MARF1: variants seen among roughly 807,000 people sequenced by gnomAD.
The protein encoded by MARF1 is meiosis regulator and mRNA stability factor 1, also known as limkain-b1.
In MARF1, 24 loss-of-function variants were observed where a neutral mutation model predicts 168.2. The observed-to-expected ratio is 0.14, with a 90% CI of 0.10 to 0.20. The LOEUF is 0.20. Among genes scored for constraint, MARF1 ranks in the 10% least tolerant of loss-of-function variants. The pLI is 1.00. For missense variants in MARF1, 1,744 were observed against 2,143.6 expected (o/e 0.81, Z 3.68); for synonymous variants, 868 against 822.4 (o/e 1.06, Z -0.95).
In MARF1 at chr16:15,612,520, C is replaced by T. The variant is rs757079911; in HGVS notation, c.3474+37G>A. Reference sequence around the variant, plus strand: ...GCAGCCAAAGCCATGGAGGAACATTCCTGCCTGTAAACAAGTAATCCCGTG... The same window carrying T: ...GCAGCCAAAGCCATGGAGGAACATTTCTGCCTGTAAACAAGTAATCCCGTG... On this transcript the variant is annotated intron_variant, in intron 17 of 26. Transcript: ENST00000396368. The T allele has an allele frequency of 2.2e-5, 34 of 1,553,060 alleles. No individual in the cohort carries two copies. The Admixed American group carries it at 2.3e-4, about 11-fold the overall frequency.
At chr16:15,637,645 T>C (rs763092464) in intron 2 of MARF1, among the ~76,000 whole-genome samples, 16 of 151,978 alleles carry the variant, frequency 1.1e-4, no homozygotes, top group Admixed American at 7.9e-4. Flanking sequence ...CAAAATTGAG[T>C]TTCAAGATCT....
At position 15,625,358 on chromosome 16, in the gene MARF1, G is replaced by A. The variant is rs750008158; in HGVS notation, c.1953+14C>T. 1.9e-6 allele frequency: 3 copies of A among 1,589,094 alleles called. No homozygotes were observed. The highest frequency in any genetic ancestry group is 2.6e-6 in the Non-Finnish European group (3 of 1,168,496). The stretch of plus-strand genomic sequence containing the variant: ...CTACCATAAACTTCAGAAAGCAAGA[G>A]GTATCAAAATTACCTGTAAACTTTT... On this transcript the variant is annotated intron_variant, in intron 8 of 26. Transcript: ENST00000396368.
chr16:15,634,662 C>G, intron 4 of MARF1, 95 bp downstream of exon 4: 1 of 1,220,750 alleles, frequency 8.2e-7, no homozygotes, highest in Non-Finnish European at 1.2e-6. Context: ...GCTTTAGAAC[C>G]ATAAGGAATC....
At chr16:15,628,409 C>T (rs2035022274) in intron 7 of MARF1, among the ~76,000 whole-genome samples, 1 of 148,046 alleles carries the variant, frequency 6.8e-6, no homozygotes, top group African/African-American at 2.5e-5. Context: ...TCTTTTCTTT[C>T]TTTTTTTTTT....
chr16:15,618,517 G>C (rs923975225), intron 13 of MARF1, among the ~76,000 whole-genome samples: 3 of 152,016 alleles, frequency 2.0e-5, no homozygotes, highest in Non-Finnish European at 1.5e-5. Flanking sequence ...AGTTATCAGC[G>C]GCCTCTGCCT....
At chr16:15,612,487 T>C in intron 17 of MARF1, 70 bp downstream of exon 17, 1 of 1,344,238 alleles carries the variant, frequency 7.4e-7, no homozygotes, top group Non-Finnish European at 1.1e-6. Context: ...ACTGTTTCTT[T>C]GATGGAGGCA....
At position 15,625,012 on chromosome 16, in the gene MARF1, A is replaced by C. The variant is rs761748032; in HGVS notation, c.2111+4T>G. On this transcript the variant is annotated splice_donor_region_variant and intron_variant, in intron 9 of 26. Transcript: ENST00000396368. ...CAGCTATGAGAAAGAGTAGTTTCACATACTTCTGACTGGTTTTGTAAACGG... is the reference window on the plus strand; with the variant it reads ...CAGCTATGAGAAAGAGTAGTTTCACCTACTTCTGACTGGTTTTGTAAACGG... 3 of 1,614,142 alleles carry C rather than the reference A, an allele frequency of 1.9e-6. No individual in the cohort carries two copies. The highest frequency in any genetic ancestry group is 2.5e-6 in the Non-Finnish European group (3 of 1,179,994).
chr16:15,616,296 G>A (rs1047221092), intron 15 of MARF1, among the ~76,000 whole-genome samples: 12 of 152,198 alleles, frequency 7.9e-5, no homozygotes, highest in African/African-American at 1.4e-4. Flanking sequence ...CAGCAGGGAC[G>A]TGCAGGCCAC....
Position 15,612,578 on chromosome 16 carries a change from T to A in MARF1, c.3453A>T (p.Glu1151Asp). ...YGYSKLIELL[E>D]AVPHVLQILG... is the part of the protein sequence containing the mutation. ...TTACCTGCAATACATGAGGCACTGC[T>A]TCTAATAACTCAATCAGCTTGGAGT... The change falls in exon 17 of 27, where the codon GAA becomes GAT. Residue 1151 changes from glutamate to aspartate, a missense_variant. By Grantham distance (45) the Glu-to-Asp change is conservative. Transcript: ENST00000396368. 1 of 1,614,180 alleles carries A rather than the reference T, an allele frequency of 6.2e-7. No individual in the cohort carries two copies. The highest frequency in any genetic ancestry group is 8.5e-7 in the Non-Finnish European group (1 of 1,179,994).
intron 3 of MARF1, 75 bp from the exon 4 acceptor site, chr16:15,635,006 T>G (rs1596502469): frequency 7.8e-7 from 1 of 1,285,884 alleles, no homozygotes; most frequent in East Asian, 2.3e-5. Context: ...ATACAACAAC[T>G]GAAAATACAC....
intron 7 of MARF1, chr16:15,630,104 G>A (rs2151256547): frequency 7.4e-6 from 3 of 405,424 alleles, no homozygotes; most frequent in Non-Finnish European, 1.3e-5. Flanking sequence ...AAATCTACAA[G>A]TCAATTTCAT....
At chr16:15,627,027 G>A (rs1322384756) in intron 7 of MARF1, among the ~76,000 whole-genome samples, 3 of 151,436 alleles carry the variant, frequency 2.0e-5, no homozygotes, top group South Asian at 2.1e-4. Flanking sequence ...AGAAAAGAGA[G>A]AGAGAGAGAG....
Position 15,615,935 on chromosome 16 carries a change from A to G in MARF1, c.3148T>C (p.Leu1050=). 6.3e-7 allele frequency: 1 copy of G among 1,589,932 alleles called. No individual in the cohort carries two copies. Among genetic ancestry groups the G allele is most frequent in the Admixed American group, 1.7e-5 (1 of 57,654 alleles). ...VVQENQGGVP[L]EHFITCVPGV... is the part of the protein sequence containing the mutation. ...GGAACACAGGTAATGAAGTGTTCTA[A>G]GGGAACACCTCCTTGGTTTTCTTGC... The change falls in exon 16 of 27, where the codon TTA becomes CTA. Residue 1050 remains leucine (L), a synonymous_variant. Transcript: ENST00000396368.
chr16:15,620,010 G>C (rs796543748), intron 13 of MARF1, among the ~76,000 whole-genome samples: 3 of 151,922 alleles, frequency 2.0e-5, no homozygotes, highest in East Asian at 3.9e-4. Flanking sequence ...CTAAAAATAC[G>C]AAAACTTAGC....
chr16:15,629,503 C>T (rs1254905042), intron 7 of MARF1, among the ~76,000 whole-genome samples: 1 of 152,184 alleles, frequency 6.6e-6, no homozygotes, highest in African/African-American at 2.4e-5. Flanking sequence ...ATTTCTTTCT[C>T]CCTTAAATGA....
At chr16:15,602,826 G>A (rs752790415) in intron 22 of MARF1, 4 of 312,910 alleles carry the variant, frequency 1.3e-5, no homozygotes. Flanking sequence ...TGAACACTGG[G>A]GCCATTAAAC....
rs3803577 is a variant in MARF1, at chr16:15,595,233, C to T, written c.*1460G>A. ...GTTGAGAACTGGGAGTCACTGGCTTCATTTAAAAGATTTGGGGAACAAAAA... is the reference window on the plus strand; with the variant it reads ...GTTGAGAACTGGGAGTCACTGGCTTTATTTAAAAGATTTGGGGAACAAAAA... On this transcript the variant is annotated 3_prime_UTR_variant, in exon 27 of 27. Transcript: ENST00000396368. 1 of 152,496 alleles carries T rather than the reference C, an allele frequency of 6.6e-6. No individual in the cohort carries two copies. The highest frequency in any genetic ancestry group is 2.4e-5 in the African/African-American group (1 of 41,416). 9.4% of individuals were successfully genotyped at this position (152,496 alleles called of 1,614,324 possible).
In MARF1 at chr16:15,623,206, T is replaced by A. The variant is rs748840657; in HGVS notation, c.2271-83A>T. 6.5e-4 allele frequency: 688 copies of A among 1,064,608 alleles called. 1 individual carries two copies. The highest frequency in any genetic ancestry group is 7.8e-4 in the Non-Finnish European group (615 of 792,290). The allele number at this position is 1,064,608 out of a possible 1,614,324, so 65.9% of individuals were successfully genotyped here. A position where few individuals can be genotyped will look rare whatever the true frequency, so the allele number is the denominator to read the frequency against. On this transcript the variant is annotated intron_variant, in intron 10 of 26. Transcript: ENST00000396368. ...TTATCATTTAGGCTTTGTTTGAAAC[T>A]ATATACAGAAGCAGATTTTCCACAA...
chr16:15,612,508 TGGAGGAAC>T (rs2033658006), intron 17 of MARF1, 41 bp downstream of exon 17: 1 of 1,500,084 alleles, frequency 6.7e-7, no homozygotes, highest in East Asian at 2.3e-5. Flanking sequence ...GCCAAAGCCA[TGGAGGAAC>T]ATTCCTGCCT....
Sources: allele counts gnomAD v4.1 joint callset (sites outside exome capture counted in the v4.1 genomes callset), GRCh38; gene constraint gnomAD v4.1.1; transcripts MANE v1.5; gene names NCBI Gene and HGNC (gene_info 2026-07-23, HGNC 2026-07-21).